SLC2A14: variants seen among roughly 807,000 people sequenced by gnomAD.
The protein encoded by SLC2A14 is solute carrier family 2 member 14.
Under a neutral mutation model 43.0 loss-of-function variants are expected in SLC2A14, and 13 were observed. The observed-to-expected ratio is 0.30, with a 90% CI of 0.20 to 0.48. The LOEUF is 0.48. Among genes scored for constraint, SLC2A14 ranks in the 20% least tolerant of loss-of-function variants. The pLI, the probability that SLC2A14 is intolerant of heterozygous loss-of-function variation, is 0.99. For synonymous variants in SLC2A14, 190 were observed against 233.8 expected (o/e 0.81, Z 1.71); for missense variants, 428 against 620.4 (o/e 0.69, Z 3.29).
At chr12:7,839,116 T>C (rs1400282740) in intron 2 of SLC2A14, among the ~76,000 whole-genome samples, 1 of 147,774 alleles carries the variant, frequency 6.8e-6, no homozygotes, top group Non-Finnish European at 1.5e-5. Flanking sequence ...TATTTTGTTA[T>C]GGCAGCCTTA....
At chr12:7,890,312 G>T (rs960717893) in intron 1 of SLC2A14, among the ~76,000 whole-genome samples, 1 of 151,700 alleles carries the variant, frequency 6.6e-6, no homozygotes, top group Non-Finnish European at 1.5e-5. Flanking sequence ...CAACAGTATT[G>T]GAACCCATCA....
In SLC2A14 at chr12:7,832,832, A is replaced by G; in HGVS notation, c.19-18T>C. Reference sequence around the variant, plus strand: ...GGGGTGACCTGGAGAGACAGAGGACAGGGAGGAGAGAATAGTCCTTAAAAC... The same window carrying G: ...GGGGTGACCTGGAGAGACAGAGGACGGGGAGGAGAGAATAGTCCTTAAAAC... On this transcript the variant is annotated intron_variant, in intron 2 of 10. Coordinates refer to ENST00000431042, the MANE Select transcript of SLC2A14 (RefSeq NM_001286234.2). 1.2e-6 allele frequency: 2 copies of G among 1,611,036 alleles called. No homozygotes were observed. The highest frequency in any genetic ancestry group is 1.7e-6 in the Non-Finnish European group (2 of 1,177,280).
intron 2 of SLC2A14, among the ~76,000 whole-genome samples, chr12:7,843,431 C>T (rs1389718778): frequency 7.4e-6 from 1 of 134,728 alleles, no homozygotes; most frequent in Non-Finnish European, 1.6e-5. Flanking sequence ...GGATGTGAGC[C>T]CCTGGAATAG....
At position 7,863,293 on chromosome 12, in the gene SLC2A14, G is replaced by A. The variant is rs1056145546; in HGVS notation, c.18+6570C>T. 1.8e-5 allele frequency: 8 copies of A among 433,112 alleles called. No homozygotes were observed. The Admixed American group carries it at 2.0e-4, about 11-fold the overall frequency. The allele number at this position is 433,112 out of a possible 1,614,324, so 26.8% of individuals were successfully genotyped here. ...AGCAAGACCACGAACCCACCAGAAGGAAAACACTCCGAACGCATCTGAACA... is the reference window on the plus strand; with the variant it reads ...AGCAAGACCACGAACCCACCAGAAGAAAAACACTCCGAACGCATCTGAACA... On this transcript the variant is annotated intron_variant, in intron 2 of 10. Transcript: ENST00000431042.
chr12:7,867,160 C>T (rs1192442850), intron 2 of SLC2A14, among the ~76,000 whole-genome samples: 2 of 151,676 alleles, frequency 1.3e-5, no homozygotes, highest in South Asian at 2.1e-4. Flanking sequence ...GGGCCTGTAG[C>T]CCCAGCTACT....
chr12:7,879,236 A>G (rs930000472), intron 1 of SLC2A14, among the ~76,000 whole-genome samples: 1 of 150,846 alleles, frequency 6.6e-6, no homozygotes, highest in Non-Finnish European at 1.5e-5. Context: ...TATTATTATT[A>G]TTTTAACGTC....
At chr12:7,821,825 C>CCTT (rs769942186) in intron 7 of SLC2A14, among the ~76,000 whole-genome samples, 2 of 127,258 alleles carry the variant, frequency 1.6e-5, no homozygotes, top group Non-Finnish European at 3.2e-5. Flanking sequence ...GTATTTCTTT[C>CCTT]TTTTTTTTTT....
Position 7,831,742 on chromosome 12 carries a change from T to A in SLC2A14, c.134A>T (p.Lys45Ile), listed in dbSNP as rs201753599. The change falls in exon 4 of 11, where the codon AAA (lysine) becomes ATA (isoleucine). Residue 45 changes from lysine (K) to isoleucine (I), a missense_variant. Transcript: ENST00000431042. ...PETIIKEFIN[K>I]TLTDKANAPP... ...GGCATTTGCCTTGTCCGTCAAAGTT[T>A]TATTGATAAATTCCTTTATGATCTG... The A allele has an allele frequency of 6.2e-7, 1 of 1,614,202 alleles. No homozygotes were observed. Among genetic ancestry groups the A allele is most frequent in the East Asian group, 2.2e-5 (1 of 44,880 alleles).
upstream of SLC2A14, among the ~76,000 whole-genome samples, chr12:7,874,814 A>G (rs1945399283): frequency 2.9e-5 from 2 of 68,964 alleles, no homozygotes; most frequent in African/African-American, 3.9e-5. Context: ...ATAAATACGT[A>G]TTTATATATA....
At chr12:7,831,855 T>A in intron 3 of SLC2A14, 91 bp from the exon 4 acceptor site, 1 of 1,504,512 alleles carries the variant, frequency 6.6e-7, no homozygotes, top group Non-Finnish European at 9.1e-7. Context: ...ACGCCTGTAA[T>A]CCCAGCACTT....
chr12:7,822,360 A>G (rs1863986201), intron 7 of SLC2A14, among the ~76,000 whole-genome samples: 1 of 151,714 alleles, frequency 6.6e-6, no homozygotes, highest in African/African-American at 2.4e-5. Flanking sequence ...GCTTATGTCT[A>G]CTTCACCAAC....
intron 2 of SLC2A14, among the ~76,000 whole-genome samples, chr12:7,862,499 C>T (rs1029799154): frequency 1.3e-5 from 2 of 152,014 alleles, no homozygotes; most frequent in Admixed American, 6.6e-5. Flanking sequence ...GCGGACGAGC[C>T]TCCCCGACGA....
At chr12:7,885,320 C>T (rs1396385167) in intron 1 of SLC2A14, among the ~76,000 whole-genome samples, 1 of 152,190 alleles carries the variant, frequency 6.6e-6, no homozygotes, top group East Asian at 1.9e-4. Context: ...CACAAATTAG[C>T]CAGGGGTGGT....
At chr12:7,824,180 T>C (rs1199958235) in intron 7 of SLC2A14, among the ~76,000 whole-genome samples, 1 of 151,282 alleles carries the variant, frequency 6.6e-6, no homozygotes, top group East Asian at 2.0e-4. Context: ...TGCTTGAACC[T>C]GGGAGGCAGA....
chr12:7,837,081 C>T (rs1865521931), intron 2 of SLC2A14, among the ~76,000 whole-genome samples: 2 of 151,420 alleles, frequency 1.3e-5, no homozygotes, highest in Admixed American at 1.3e-4. Flanking sequence ...GCAAGAGAAT[C>T]GCTTGAACCT....
chr12:7,886,151 C>CTTTTTTTTTTTTTTTTTTTTTT (rs3044922), intron 1 of SLC2A14, among the ~76,000 whole-genome samples: 3 of 44,696 alleles, frequency 6.7e-5, no homozygotes, highest in East Asian at 7.2e-4. Flanking sequence ...GCCCGGACAG[C>CTTTTTTTTTTTTTTTTTTTTTT]TTTTTTTTTT....
chr12:7,880,713 A>AAAAAAAG (rs1945554520), intron 1 of SLC2A14, among the ~76,000 whole-genome samples: 3 of 38,280 alleles, frequency 7.8e-5, no homozygotes, highest in African/African-American at 1.9e-4. Context: ...AAAAAAAAAA[A>AAAAAAAG]AGAGAGAAAT....
At chr12:7,850,571 T>A (rs1445023939) in intron 2 of SLC2A14, 1 of 152,192 alleles carries the variant, frequency 6.6e-6, no homozygotes, top group Non-Finnish European at 1.5e-5. Context: ...AATGTTTGTA[T>A]TTTTAGTAGA....
rs533625592 is a variant in SLC2A14 at position 7,828,791 on chromosome 12, T to C, written c.589A>G (p.Ile197Val). The change falls in exon 6 of 11, where the codon ATC (isoleucine) becomes GTC (valine). Residue 197 changes from isoleucine to valine, a missense_variant. By Grantham distance (29) the Ile-to-Val change is conservative. Transcript: ENST00000431042. ...CATGGAAGGGCTGCACTTTGCAGGA[T>C]AGCTGGAAGGATGGTAAAGCCTAAT... is the stretch of plus-strand genomic sequence containing the variant. ...VLLGFTILPA[I>V]LQSAALPCCP... is the part of the protein sequence containing the mutation. 44 of 1,614,104 alleles carry C rather than the reference T, an allele frequency of 2.7e-5. 1 individual carries two copies. The highest frequency in any genetic ancestry group is 1.9e-4 in the South Asian group (17 of 91,086).
Sources: gnomAD v4.1 joint callset for allele counts (sites outside exome capture counted in the v4.1 genomes callset) on GRCh38, gnomAD v4.1.1 for gene constraint, MANE v1.5 for transcripts, NCBI Gene and HGNC (gene_info 2026-07-23, HGNC 2026-07-21) for gene names.